UBR1: variants seen among roughly 807,000 people sequenced by gnomAD.
The protein encoded by UBR1 is E3 ubiquitin-protein ligase UBR1.
In UBR1, 102 loss-of-function variants were observed where a neutral mutation model predicts 242.1. The ratio of observed to expected loss-of-function variants is 0.42; its 90% CI spans 0.36 to 0.50. The LOEUF is 0.50. UBR1 is among the 20% of genes least tolerant of loss of function. UBR1 has a pLI of 0.01. For missense variants in UBR1, 1,772 were observed against 2,101.8 expected (o/e 0.84, Z 3.07); for synonymous variants, 675 against 684.8 (o/e 0.99, Z 0.22).
chr15:42,949,801 A>AAAAT (rs1034081479), intron 46 of UBR1, among the ~76,000 whole-genome samples: 25 of 151,658 alleles, frequency 1.6e-4, no homozygotes, highest in East Asian at 5.8e-4. Context: ...TCTGTCTCCC[A>AAAAT]AAATAAATAA....
chr15:43,096,991 T>C (rs1280180139), intron 1 of UBR1, among the ~76,000 whole-genome samples: 2 of 151,942 alleles, frequency 1.3e-5, no homozygotes, highest in East Asian at 3.8e-4. Flanking sequence ...TTTCCAAAAG[T>C]TTTTCAATTG....
chr15:43,033,998 G>T (rs1596111118), intron 19 of UBR1, among the ~76,000 whole-genome samples: 1 of 152,102 alleles, frequency 6.6e-6, no homozygotes, highest in South Asian at 2.1e-4. Context: ...CCAGCACTTT[G>T]GAAGGCCGAG....
Position 43,070,848 on chromosome 15 carries a change from T to C in UBR1, c.606A>G (p.Val202=). The C allele has an allele frequency of 6.2e-7, 1 of 1,613,926 alleles. No homozygotes were observed. The highest frequency in any genetic ancestry group is 8.5e-7 in the Non-Finnish European group (1 of 1,179,984). ...KIFPSVIKYV[V]EMTIWEEEKE... is the part of the protein sequence containing the mutation. ...TTTCCTCTTCCCATATAGTCATTTCTACGACATATTTTATCACTGAAGGAA... is the reference window on the plus strand; with the variant it reads ...TTTCCTCTTCCCATATAGTCATTTCCACGACATATTTTATCACTGAAGGAA... The change falls in exon 5 of 47, where the codon GTA becomes GTG. Residue 202 remains valine (V), a synonymous_variant. Coordinates refer to ENST00000290650, the MANE Select transcript of UBR1 (RefSeq NM_174916.3).
At chr15:43,006,972 G>T (rs1037378719) in intron 30 of UBR1, 107 bp downstream of exon 30, 2 of 1,004,054 alleles carry the variant, frequency 2.0e-6, no homozygotes, top group East Asian at 2.6e-5. Flanking sequence ...ATAATGGTAT[G>T]GTAGATATAT....
At chr15:43,082,739 T>A in intron 2 of UBR1, 23 bp from the exon 3 acceptor site, 1 of 1,600,762 alleles carries the variant, frequency 6.2e-7, no homozygotes, top group Non-Finnish European at 8.6e-7. Flanking sequence ...AGAAATCAGA[T>A]TCCAAAATTT....
At position 42,945,115 on chromosome 15, in the gene UBR1, A is replaced by C. The variant is rs1292766433; in HGVS notation, c.*214T>G. ...AAATTCCTGGAAATACTAGCACATAAAACAGATTGATCTATGTCCTTTTTT... is the reference window on the plus strand; with the variant it reads ...AAATTCCTGGAAATACTAGCACATACAACAGATTGATCTATGTCCTTTTTT... On this transcript the variant is annotated 3_prime_UTR_variant, in exon 47 of 47. Coordinates refer to ENST00000290650, the MANE Select transcript of UBR1 (RefSeq NM_174916.3). The C allele has an allele frequency of 5.0e-6, 3 of 604,256 alleles. No homozygotes were observed. The highest frequency in any genetic ancestry group is 8.6e-6 in the Non-Finnish European group (3 of 349,072). The allele number at this position is 604,256 out of a possible 1,614,324, so 37.4% of individuals were successfully genotyped here.
intron 45 of UBR1, among the ~76,000 whole-genome samples, chr15:42,951,439 G>A (rs1490041271): frequency 1.3e-5 from 2 of 152,222 alleles, no homozygotes; most frequent in East Asian, 1.9e-4. Context: ...GGCCAGGCTG[G>A]TCTTGAACTC....
At chr15:43,057,170 C>G (rs1268703436) in intron 10 of UBR1, among the ~76,000 whole-genome samples, 1 of 152,116 alleles carries the variant, frequency 6.6e-6, no homozygotes, top group African/African-American at 2.4e-5. Context: ...CATTTCAGAT[C>G]ACACATATGG....
In UBR1 at chr15:43,047,210, A is replaced by G; in HGVS notation, c.1619T>C (p.Met540Thr). Residue 540 changes from methionine (M) to threonine (T), a missense_variant, in exon 14 of 47, where the codon ATG becomes ACG. Physicochemically the swap from Met to Thr is moderately conservative, Grantham distance 81. Transcript: ENST00000290650. ...PDWEAAIAIQ[M>T]QLKNILLMFQ... The stretch of plus-strand genomic sequence containing the variant: ...CATGAGTAAAATATTCTTCAATTGC[A>G]TCTGTATAGCAATGGCAGCCTCCCA... 6.2e-7 allele frequency: 1 copy of G among 1,614,182 alleles called. No individual in the cohort carries two copies. The highest frequency in any genetic ancestry group is 8.5e-7 in the Non-Finnish European group (1 of 1,180,024).
chr15:42,953,118 T>G (rs2031862228), intron 44 of UBR1, among the ~76,000 whole-genome samples: 1 of 152,142 alleles, frequency 6.6e-6, no homozygotes, highest in Non-Finnish European at 1.5e-5. Context: ...GGAATCACAG[T>G]AAGTCTTAGG....
chr15:42,960,833 A>T lies in UBR1; in HGVS notation c.4701-132T>A, dbSNP rs912208249. The stretch of plus-strand genomic sequence containing the variant: ...GCCCAGGCTGGAGTACAGTGGCAGC[A>T]ATCTCGGCTCACTGCAGCTTCTGCC... On this transcript the variant is annotated intron_variant, in intron 42 of 46. Transcript: ENST00000290650. The T allele has an allele frequency of 2.0e-4, 179 of 895,456 alleles. No homozygotes were observed. In the African/African-American group the frequency reaches 2.5e-3, roughly 13 times the overall value. 55.5% of individuals were successfully genotyped at this position (895,456 alleles called of 1,614,324 possible).
chr15:43,050,133 G>A (rs2033536332), intron 12 of UBR1, among the ~76,000 whole-genome samples: 1 of 152,026 alleles, frequency 6.6e-6, no homozygotes, highest in African/African-American at 2.4e-5. Flanking sequence ...ATTTTTTGTA[G>A]AGACAAAGTC....
chr15:43,013,833 T>A (rs1190591321), intron 29 of UBR1, among the ~76,000 whole-genome samples: 1 of 152,222 alleles, frequency 6.6e-6, no homozygotes, highest in Non-Finnish European at 1.5e-5. Flanking sequence ...ATTTAACTTT[T>A]CCTCCAAAAA....
intron 32 of UBR1, among the ~76,000 whole-genome samples, chr15:43,001,911 T>C (rs944322984): frequency 2.3e-4 from 35 of 152,212 alleles, no homozygotes; most frequent in Non-Finnish European, 3.5e-4. Context: ...AGACTCCAAC[T>C]GGCAACTCTA....
At chr15:43,050,723 TAAA>T (rs71108195) in intron 12 of UBR1, among the ~76,000 whole-genome samples, 3 of 118,590 alleles carry the variant, frequency 2.5e-5, no homozygotes, top group Non-Finnish European at 1.8e-5. Context: ...GACTCCGTCT[TAAA>T]AAAAAAAAAA....
At position 43,047,093 on chromosome 15, in the gene UBR1, A is replaced by G. The variant is rs1451818765; in HGVS notation, c.1668+68T>C. The G allele has an allele frequency of 7.0e-6, 11 of 1,574,216 alleles. No homozygotes were observed. The East Asian group carries it at 2.2e-4, about 32-fold the overall frequency. On this transcript the variant is annotated intron_variant, in intron 14 of 46. Transcript: ENST00000290650. The stretch of plus-strand genomic sequence containing the variant: ...CTTTACATCAAGGAAGCTGCAACAT[A>G]AAACTATACTATTAATAATTACTAA...
intron 35 of UBR1, among the ~76,000 whole-genome samples, chr15:42,987,508 G>A (rs2032486723): frequency 6.6e-6 from 1 of 152,154 alleles, no homozygotes; most frequent in Admixed American, 6.5e-5. Flanking sequence ...GAGGTCAAGA[G>A]ATCGAGACCA....
At chr15:42,956,025 TA>T (rs1030182977) in intron 44 of UBR1, among the ~76,000 whole-genome samples, 7 of 152,152 alleles carry the variant, frequency 4.6e-5, no homozygotes, top group African/African-American at 1.7e-4. Flanking sequence ...GTGAAAGAGA[TA>T]AAAAAGTTTG....
chr15:43,080,442 C>T (rs2033962875), intron 3 of UBR1, among the ~76,000 whole-genome samples: 1 of 152,126 alleles, frequency 6.6e-6, no homozygotes, highest in Non-Finnish European at 1.5e-5. Context: ...AAATGTCATA[C>T]AGTTGGAATC....
Sources: gnomAD v4.1 joint callset for allele counts (sites outside exome capture counted in the v4.1 genomes callset) on GRCh38, gnomAD v4.1.1 for gene constraint, MANE v1.5 for transcripts, NCBI Gene and HGNC (gene_info 2026-07-23, HGNC 2026-07-21) for gene names.